EZH2: variants seen among roughly 807,000 people sequenced by gnomAD.
The protein encoded by EZH2 is histone-lysine N-methyltransferase EZH2.
Under a neutral mutation model 98.4 loss-of-function variants are expected in EZH2, and 18 were observed. The observed-to-expected ratio is 0.18, with a 90% CI of 0.13 to 0.27. The LOEUF is 0.27. Ranked by LOEUF, EZH2 falls within the 10% of genes least tolerant of loss-of-function variation. EZH2 has a pLI of 1.00. For missense variants in EZH2, 470 were observed against 935.1 expected, an observed-to-expected ratio of 0.50 and a Z score of 6.49; for synonymous variants, 338 against 312.3, an observed-to-expected ratio of 1.08 and a Z score of -0.87.
intron 1 of EZH2, among the ~76,000 whole-genome samples, chr7:148,876,512 A>G (rs537407149): frequency 1.3e-5 from 2 of 152,346 alleles, no homozygotes; most frequent in Admixed American, 1.3e-4. Flanking sequence ...GACAACACCT[A>G]TTAAAACTAG....
At chr7:148,855,340 A>G (rs1816638536) in intron 1 of EZH2, among the ~76,000 whole-genome samples, 1 of 152,250 alleles carries the variant, frequency 6.6e-6, no homozygotes, top group African/African-American at 2.4e-5. Flanking sequence ...AGTTAGTTGT[A>G]TTAATTCTAA....
At chr7:148,862,465 A>ATGTTCTCTCTGCCAACAAATATGGTCAGT (rs1346953001) in intron 1 of EZH2, among the ~76,000 whole-genome samples, 2 of 152,182 alleles carry the variant, frequency 1.3e-5, no homozygotes, top group Non-Finnish European at 2.9e-5. Context: ...GAAAGCCCAA[A>ATGTTCTCTCTGCCAACAAATATGGTCAGT]TGTTCTCTCT....
chr7:148,855,626 G>A (rs781258580), intron 1 of EZH2, among the ~76,000 whole-genome samples: 24 of 152,080 alleles, frequency 1.6e-4, no homozygotes, highest in Admixed American at 5.9e-4. Context: ...TCAGGTGGGC[G>A]CTGTGGCTCC....
intron 10 of EZH2, 71 bp from the exon 11 acceptor site, chr7:148,817,462 T>C: frequency 6.7e-7 from 1 of 1,498,604 alleles, no homozygotes; most frequent in Non-Finnish European, 9.0e-7. Context: ...ATTCAGGGTG[T>C]GCTTAAGAAA....
At chr7:148,880,739 T>A (rs1365840395) in intron 1 of EZH2, among the ~76,000 whole-genome samples, 3 of 152,244 alleles carry the variant, frequency 2.0e-5, no homozygotes, top group African/African-American at 7.2e-5. Flanking sequence ...TTTGTCAAAT[T>A]ATTTCCCTAC....
chr7:148,835,662 C>T (rs972403173), intron 3 of EZH2, among the ~76,000 whole-genome samples: 12 of 151,836 alleles, frequency 7.9e-5, no homozygotes, highest in Non-Finnish European at 1.5e-4. Context: ...AAAAAAATTC[C>T]GATTTTTTTA....
rs570918453 is a variant in EZH2, at chr7:148,807,423, C to T, written c.*223G>A. The T allele has an allele frequency of 1.9e-6, 1 of 532,128 alleles. No homozygotes were observed. The highest frequency in any genetic ancestry group is 3.0e-5 in the East Asian group (1 of 33,446). 33.0% of individuals were successfully genotyped at this position (532,128 alleles called of 1,614,324 possible). On this transcript the variant is annotated 3_prime_UTR_variant, in exon 20 of 20. Coordinates refer to ENST00000320356, the MANE Select transcript of EZH2 (RefSeq NM_004456.5). The stretch of plus-strand genomic sequence containing the variant: ...TCTTTATTCAAAGTTGAAAAATGTA[C>T]CATACTGCATTATTGCAAAAATTCA...
At chr7:148,808,979 G>T in intron 19 of EZH2, 92 bp downstream of exon 19, 1 of 985,508 alleles carries the variant, frequency 1.0e-6, no homozygotes, top group Non-Finnish European at 1.6e-6. Flanking sequence ...CCCATCAAAA[G>T]AAGCAAAGAA....
intron 1 of EZH2, among the ~76,000 whole-genome samples, chr7:148,851,703 C>T (rs1026958563): frequency 6.6e-6 from 1 of 152,086 alleles, no homozygotes; most frequent in Non-Finnish European, 1.5e-5. Flanking sequence ...CATCTCAAAT[C>T]AATAAATAAG....
At chr7:148,862,323 TC>T (rs1296558643) in intron 1 of EZH2, among the ~76,000 whole-genome samples, 1 of 152,228 alleles carries the variant, frequency 6.6e-6, no homozygotes, top group Non-Finnish European at 1.5e-5. Flanking sequence ...ACGCAGATTT[TC>T]CAGAAGTTGG....
At position 148,826,617 on chromosome 7, in the gene EZH2, G is replaced by A. The variant is rs541419393; in HGVS notation, c.744C>T (p.Thr248=). The part of the protein sequence containing the change: ...EELKEKYKEL[T]EQQLPGALPP... ...GAAGTGCGCCTGGGAGCTGCTGTTCGGTGAGTTCTTTATATCTGACATTAA... is the reference window on the plus strand; with the variant it reads ...GAAGTGCGCCTGGGAGCTGCTGTTCAGTGAGTTCTTTATATCTGACATTAA... Residue 248 remains threonine (T), a synonymous_variant, in exon 8 of 20, where the codon ACC becomes ACT. Transcript: ENST00000320356. The A allele has an allele frequency of 6.5e-7, 1 of 1,535,272 alleles. No individual in the cohort carries two copies. The highest frequency in any genetic ancestry group is 8.8e-7 in the Non-Finnish European group (1 of 1,138,576).
intron 1 of EZH2, among the ~76,000 whole-genome samples, chr7:148,866,556 A>ATATATATACGTATATACATATATATAAG (rs1563063346): frequency 8.0e-6 from 1 of 125,648 alleles, no homozygotes; most frequent in African/African-American, 2.9e-5. Context: ...ATATATATAC[A>ATATATATACGTATATACATATATATAAG]TATATACATA....
intron 1 of EZH2, among the ~76,000 whole-genome samples, chr7:148,878,040 C>T (rs911081874): frequency 2.0e-5 from 3 of 151,986 alleles, no homozygotes; most frequent in Admixed American, 6.6e-5. Flanking sequence ...TAAAGGTTTT[C>T]GGAGTGTGTT....
At chr7:148,809,443 A>G in intron 17 of EZH2, 53 bp from the exon 18 acceptor site, 2 of 1,415,830 alleles carry the variant, frequency 1.4e-6, no homozygotes, top group Admixed American at 1.8e-5. Context: ...TTATAAGTAA[A>G]CCAAGTTATT....
intron 1 of EZH2, among the ~76,000 whole-genome samples, chr7:148,869,260 G>A (rs1818971109): frequency 1.3e-5 from 2 of 149,428 alleles, no homozygotes; most frequent in Admixed American, 1.3e-4. Context: ...CAAAGAAATA[G>A]TTTGACCTGG....
At chr7:148,840,443 C>T (rs1453565540) in intron 3 of EZH2, among the ~76,000 whole-genome samples, 1 of 152,022 alleles carries the variant, frequency 6.6e-6, no homozygotes, top group East Asian at 1.9e-4. Flanking sequence ...TATTATTAAC[C>T]TCCTAGTATA....
chr7:148,866,507 TAC>T (rs764905650), intron 1 of EZH2, among the ~76,000 whole-genome samples: 2,510 of 101,866 alleles, frequency 0.025, 37 homozygotes, highest in Non-Finnish European at 0.039. Flanking sequence ...TATACGTATA[TAC>T]ATATATATGT....
chr7:148,839,664 C>T (rs1164949226), intron 3 of EZH2, among the ~76,000 whole-genome samples: 1 of 151,972 alleles, frequency 6.6e-6, no homozygotes. Context: ...CCTGCCTCAG[C>T]CTCCCAAGTA....
chr7:148,815,658 C>A, intron 12 of EZH2, 112 bp from the exon 13 acceptor site: 2 of 945,072 alleles, frequency 2.1e-6, no homozygotes, highest in South Asian at 1.4e-5. Context: ...GCGTTAAAGC[C>A]AAGAGTCATG....
Sources: gnomAD v4.1 joint callset for allele counts (sites outside exome capture counted in the v4.1 genomes callset) on GRCh38, gnomAD v4.1.1 for gene constraint, MANE v1.5 for transcripts, NCBI Gene and HGNC (gene_info 2026-07-23, HGNC 2026-07-21) for gene names.